The following DENND1A variants were observed in gnomAD, a reference collection of about 807,000 sequenced individuals.
DENND1A encodes the protein DENN domain-containing protein 1A.
Under a neutral mutation model 113.7 loss-of-function variants are expected in DENND1A, and 51 were observed. That is an observed-to-expected ratio of 0.45 (90% CI 0.36 to 0.57). The LOEUF is 0.57. Ranked by LOEUF, DENND1A falls within the 20% of genes least tolerant of loss-of-function variation. DENND1A has a pLI of 0.00. For synonymous variants in DENND1A, 565 were observed against 570.8 expected (o/e 0.99, Z 0.14); for missense variants, 1,258 against 1,395.9 (o/e 0.90, Z 1.57).
intron 5 of DENND1A, among the ~76,000 whole-genome samples, chr9:123,737,921 A>G (rs905503535): frequency 1.3e-5 from 2 of 152,208 alleles, no homozygotes; most frequent in African/African-American, 4.8e-5. Flanking sequence ...TAACCCCAAA[A>G]TACTGATATC....
chr9:123,845,022 C>T (rs1842379444), intron 2 of DENND1A, among the ~76,000 whole-genome samples: 3 of 152,252 alleles, frequency 2.0e-5, no homozygotes, highest in South Asian at 4.1e-4. Flanking sequence ...AGTTCAAGAC[C>T]AGGCTGGCCA....
intron 13 of DENND1A, among the ~76,000 whole-genome samples, chr9:123,554,940 C>T (rs1467906658): frequency 2.0e-5 from 3 of 152,170 alleles, no homozygotes. Context: ...TATCATAAGA[C>T]AGACTTTAAT....
intron 5 of DENND1A, among the ~76,000 whole-genome samples, chr9:123,702,425 A>G (rs144002668): frequency 9.2e-5 from 14 of 152,322 alleles, no homozygotes; most frequent in African/African-American, 3.4e-4. Flanking sequence ...CCAAACCTAC[A>G]GAAAGATACA....
intron 9 of DENND1A, among the ~76,000 whole-genome samples, chr9:123,637,397 A>T (rs2061761254): frequency 6.6e-6 from 1 of 152,176 alleles, no homozygotes; most frequent in Non-Finnish European, 1.5e-5. Context: ...TTTAATTATA[A>T]ACCATCTTCG....
At chr9:123,848,485 AC>A (rs1379378369) in intron 2 of DENND1A, among the ~76,000 whole-genome samples, 7 of 152,128 alleles carry the variant, frequency 4.6e-5, no homozygotes, top group African/African-American at 1.7e-4. Context: ...GTGTGTTCTG[AC>A]TGTTCCACCA....
chr9:123,491,681 G>A (rs1017307084), intron 13 of DENND1A, among the ~76,000 whole-genome samples: 1 of 152,152 alleles, frequency 6.6e-6, no homozygotes, highest in Non-Finnish European at 1.5e-5. Flanking sequence ...TTGTTCTCAC[G>A]GACTTCAAGG....
chr9:123,781,036 CT>C (rs1025235513), intron 3 of DENND1A, among the ~76,000 whole-genome samples: 9 of 152,150 alleles, frequency 5.9e-5, no homozygotes, highest in African/African-American at 2.2e-4. Flanking sequence ...GATTGAGAAT[CT>C]TGATTAGCAT....
chr9:123,774,016 A>T (rs1419584923), intron 3 of DENND1A, among the ~76,000 whole-genome samples: 1 of 152,218 alleles, frequency 6.6e-6, no homozygotes, highest in African/African-American at 2.4e-5. Flanking sequence ...CGACAGTGAA[A>T]GAGGAAGGGG....
chr9:123,433,213 T>C (rs1338617542), intron 19 of DENND1A, among the ~76,000 whole-genome samples: 3 of 152,226 alleles, frequency 2.0e-5, no homozygotes, highest in Non-Finnish European at 4.4e-5. Context: ...GGAATTTCAC[T>C]GAGGCTAAGT....
At chr9:123,553,397 GC>G (rs1283056085) in intron 13 of DENND1A, among the ~76,000 whole-genome samples, 11 of 140,082 alleles carry the variant, frequency 7.9e-5, no homozygotes, top group African/African-American at 1.8e-4. Flanking sequence ...CTTTTTAAAA[GC>G]CGCCCCCCCC....
At chr9:123,867,966 A>C (rs1846016409) in intron 2 of DENND1A, among the ~76,000 whole-genome samples, 1 of 152,224 alleles carries the variant, frequency 6.6e-6, no homozygotes, top group African/African-American at 2.4e-5. Context: ...AAATGAACCC[A>C]ACACAGAAGA....
intron 13 of DENND1A, among the ~76,000 whole-genome samples, chr9:123,531,726 CCA>C (rs2055339570): frequency 6.6e-6 from 1 of 152,094 alleles, no homozygotes; most frequent in Non-Finnish European, 1.5e-5. Context: ...CACATTTTCA[CCA>C]CACTCAAAAA....
chr9:123,557,991 C>CA (rs111968520), intron 12 of DENND1A, among the ~76,000 whole-genome samples: 29,139 of 138,302 alleles, frequency 0.21, 3,026 homozygotes, highest in African/African-American at 0.3. Flanking sequence ...AACTCAGTCT[C>CA]AAAAAAAAAA....
In DENND1A at chr9:123,448,419, T is replaced by C. The variant is rs138279688; in HGVS notation, c.1356+2274A>G. ...AGCTTAACGGTCTGCAGAGAGTGGA[T>C]CTGACCAATGAGGGCGCATGGGGCC... On this transcript the variant is annotated intron_variant, in intron 18 of 23. Coordinates refer to ENST00000394215, the MANE Select transcript of DENND1A (RefSeq NM_001352964.2). Among the ~76,000 whole-genome samples, 44 of 152,132 alleles carry C rather than the reference T, an allele frequency of 2.9e-4. No homozygotes were observed. The East Asian group carries it at 7.9e-3, about 27-fold the overall frequency.
At chr9:123,390,884 C>T (rs1439883047) in intron 21 of DENND1A, among the ~76,000 whole-genome samples, 4 of 152,246 alleles carry the variant, frequency 2.6e-5, no homozygotes, top group East Asian at 3.8e-4. Flanking sequence ...TATCCAAGCA[C>T]GGGCCCCCAC....
At chr9:123,591,960 C>A (rs1289038602) in intron 11 of DENND1A, among the ~76,000 whole-genome samples, 1 of 152,214 alleles carries the variant, frequency 6.6e-6, no homozygotes, top group African/African-American at 2.4e-5. Context: ...GGGTCTGGAA[C>A]AAGACAGCCA....
chr9:123,630,291 C>A, intron 10 of DENND1A, 85 bp downstream of exon 10: 4 of 608,032 alleles, frequency 6.6e-6, no homozygotes, highest in Non-Finnish European at 6.9e-6. Flanking sequence ...TGTAGAGTCA[C>A]CAACTGCATT....
chr9:123,606,096 G>C (rs1366965471), intron 11 of DENND1A, among the ~76,000 whole-genome samples: 1 of 152,194 alleles, frequency 6.6e-6, no homozygotes, highest in Non-Finnish European at 1.5e-5. Flanking sequence ...CGCAGAAGGA[G>C]TATCCCTTTC....
intron 11 of DENND1A, among the ~76,000 whole-genome samples, chr9:123,591,147 C>A (rs185615779): frequency 6.6e-6 from 1 of 152,260 alleles, no homozygotes. Flanking sequence ...TTTCTGTAGC[C>A]AAGATGGTAT....
Sources: gnomAD v4.1 joint callset for allele counts (sites outside exome capture counted in the v4.1 genomes callset) on GRCh38, gnomAD v4.1.1 for gene constraint, MANE v1.5 for transcripts, NCBI Gene and HGNC (gene_info 2026-07-23, HGNC 2026-07-21) for gene names.